Variants in STK31 observed in about 807,000 individuals in gnomAD.
The protein encoded by STK31 is serine/threonine kinase 31, also known as serine/threonine-protein kinase 31.
A neutral mutation model predicts 129.7 loss-of-function variants in STK31; 89 were observed. That is an observed-to-expected ratio of 0.69 (90% CI 0.58 to 0.82). The LOEUF (loss-of-function observed/expected upper bound fraction) is 0.82. Ranked by LOEUF, STK31 falls within the 40% of genes least tolerant of loss-of-function variation. STK31 has a pLI of 0.00. For synonymous variants in STK31, 448 were observed against 395.3 expected, an observed-to-expected ratio of 1.13 and a Z score of -1.58; for missense variants, 1,187 against 1,176.4, an observed-to-expected ratio of 1.01 and a Z score of -0.13.
chr7:23,816,775 G>A (rs928195842), intron 23 of STK31, among the ~76,000 whole-genome samples: 1 of 152,196 alleles, frequency 6.6e-6, no homozygotes, highest in African/African-American at 2.4e-5. Flanking sequence ...ATATCCCATA[G>A]TTTTTGATAG....
At chr7:23,744,746 A>G (rs1373104082) in intron 8 of STK31, among the ~76,000 whole-genome samples, 4 of 152,248 alleles carry the variant, frequency 2.6e-5, no homozygotes, top group African/African-American at 9.6e-5. Context: ...TCAATGGCTT[A>G]GGGTGTGGTT....
chr7:23,714,678 T>C (rs1377692702), intron 3 of STK31, among the ~76,000 whole-genome samples: 1 of 152,176 alleles, frequency 6.6e-6, no homozygotes, highest in African/African-American at 2.4e-5. Context: ...ATATTTCAAG[T>C]GGGTATTGGC....
At chr7:23,738,999 G>C (rs1260388792) in intron 8 of STK31, among the ~76,000 whole-genome samples, 1 of 152,162 alleles carries the variant, frequency 6.6e-6, no homozygotes, top group Admixed American at 6.5e-5. Context: ...CCCAGTAATG[G>C]TATTGCTGGG....
At chr7:23,831,488 A>G (rs549210299) in intron 23 of STK31, among the ~76,000 whole-genome samples, 2 of 152,184 alleles carry the variant, frequency 1.3e-5, no homozygotes, top group East Asian at 1.9e-4. Context: ...GCAGCATACA[A>G]TTGGGTCATT....
intron 11 of STK31, among the ~76,000 whole-genome samples, chr7:23,766,660 G>T (rs1463658647): frequency 6.6e-6 from 1 of 152,098 alleles, no homozygotes; most frequent in African/African-American, 2.4e-5. Flanking sequence ...AGTTGCATCA[G>T]AACATGTTTA....
At chr7:23,809,828 G>A (rs1339884473) in intron 22 of STK31, among the ~76,000 whole-genome samples, 4 of 61,212 alleles carry the variant, frequency 6.5e-5, no homozygotes, top group Non-Finnish European at 9.3e-5. Context: ...ACCTTGGAGC[G>A]GTAGGCTACA....
intron 22 of STK31, among the ~76,000 whole-genome samples, chr7:23,797,185 C>T (rs6968217): frequency 0.51 from 76,579 of 150,810 alleles, 19,568 homozygotes; most frequent in East Asian, 0.62. Flanking sequence ...AACACCCCAC[C>T]GTCAATATTA....
intron 22 of STK31, among the ~76,000 whole-genome samples, chr7:23,813,415 T>A (rs1459463634): frequency 2.0e-5 from 3 of 152,162 alleles, no homozygotes; most frequent in Non-Finnish European, 4.4e-5. Context: ...AAGTTGTGGT[T>A]TTCCTGGTAC....
intron 8 of STK31, among the ~76,000 whole-genome samples, chr7:23,744,515 T>G (rs1788235561): frequency 6.6e-6 from 1 of 152,226 alleles, no homozygotes; most frequent in African/African-American, 2.4e-5. Context: ...TTTTCTTGTC[T>G]TCTCATGTTT....
At chr7:23,801,667 G>T (rs1290931857) in intron 22 of STK31, among the ~76,000 whole-genome samples, 1 of 152,094 alleles carries the variant, frequency 6.6e-6, no homozygotes, top group Non-Finnish European at 1.5e-5. Context: ...AAGCTCTATA[G>T]TTGTATGGTT....
intron 22 of STK31, among the ~76,000 whole-genome samples, chr7:23,792,304 A>G (rs918438326): frequency 6.6e-6 from 1 of 150,594 alleles, no homozygotes. Flanking sequence ...TAATTTCAAT[A>G]TAATTGTGTT....
chr7:23,747,739 A>G lies in STK31; in HGVS notation c.1018-4978A>G, dbSNP rs79129045. ...AGAATTAGTTCATTTAATCTAGGTT[A>G]TCAAATTTGTGGGACTTGAGTTGTT... is the stretch of plus-strand genomic sequence containing the variant. On this transcript the variant is annotated intron_variant, in intron 8 of 23. Transcript: ENST00000355870. Among the ~76,000 whole-genome samples, 5 of 152,302 alleles carry G rather than the reference A, an allele frequency of 3.3e-5. No homozygotes were observed. The East Asian group carries it at 9.6e-4, about 29-fold the overall frequency.
Position 23,762,901 on chromosome 7 carries a change from A to T in STK31, c.1394A>T (p.Asn465Ile), listed in dbSNP as rs1248938874. ...CTGGAAGTTGATGAGTCATCTCTTA[A>T]TAAACGCTTAAAAACATTGCAGGTT... ...FILEVDESSLNKRLKTLQDLS... is the reference protein window; with the variant it reads ...FILEVDESSLIKRLKTLQDLS... The change falls in exon 11 of 24, where the codon AAT (asparagine) becomes ATT (isoleucine). Residue 465 changes from asparagine (N) to isoleucine (I), a missense_variant. Asn to Ile is a moderately radical substitution (Grantham distance 149). Transcript: ENST00000355870. 6.3e-7 allele frequency: 1 copy of T among 1,594,446 alleles called. No individual in the cohort carries two copies. The highest frequency in any genetic ancestry group is 8.5e-7 in the Non-Finnish European group (1 of 1,172,680).
intron 16 of STK31, among the ~76,000 whole-genome samples, chr7:23,782,138 A>T (rs1193881188): frequency 6.6e-6 from 1 of 152,012 alleles, no homozygotes; most frequent in Non-Finnish European, 1.5e-5. Context: ...TATCTGGGAG[A>T]TGTTACCAGG....
At chr7:23,762,952 G>A (rs376612079) in intron 11 of STK31, 29 bp downstream of exon 11, 71 of 1,494,658 alleles carry the variant, frequency 4.8e-5, no homozygotes, top group Non-Finnish European at 6.1e-5. Context: ...TTAAATATAC[G>A]TTAAATTGTA....
chr7:23,782,404 T>G (rs1392711922), intron 16 of STK31, among the ~76,000 whole-genome samples: 1 of 145,646 alleles, frequency 6.9e-6, no homozygotes. Context: ...CCCAGGAGGT[T>G]GAGGCTGCAT....
At chr7:23,794,995 G>C (rs1158671644) in intron 22 of STK31, among the ~76,000 whole-genome samples, 1 of 152,222 alleles carries the variant, frequency 6.6e-6, no homozygotes, top group East Asian at 1.9e-4. Context: ...TGATGTGGTA[G>C]AAAAGAAAAC....
Position 23,814,146 on chromosome 7 carries a change from C to CTTTTTTTTT in STK31, c.2761-996_2761-995insTTTTTTTTT, listed in dbSNP as rs71552259. ...GTTGGGAAACATCAGATCTGGCTCA[C>CTTTTTTTTT]TTATTTTTTTTTTTTTTTCAGTTGG... On this transcript the variant is annotated intron_variant, in intron 22 of 23. Transcript: ENST00000355870. Among the ~76,000 whole-genome samples the CTTTTTTTTT allele has an allele frequency of 7.8e-3, 768 of 98,860 alleles. 190 individuals are homozygous for CTTTTTTTTT. The highest frequency in any genetic ancestry group is 0.018 in the African/African-American group (394 of 22,096). The allele number at this position is 98,860 out of a possible 152,430, so 64.9% of individuals were successfully genotyped here.
intron 20 of STK31, 71 bp downstream of exon 20, chr7:23,786,995 C>T: frequency 1.4e-6 from 2 of 1,407,990 alleles, no homozygotes; most frequent in Non-Finnish European, 2.0e-6. Flanking sequence ...TTTATTCAGG[C>T]ATACTACATG....
Sources: allele counts gnomAD v4.1 joint callset (sites outside exome capture counted in the v4.1 genomes callset), GRCh38; gene constraint gnomAD v4.1.1; transcripts MANE v1.5; gene names NCBI Gene and HGNC (gene_info 2026-07-23, HGNC 2026-07-21).